USP39: variants seen among roughly 807,000 people sequenced by gnomAD.
The protein encoded by USP39 is ubiquitin specific peptidase 39, also known as ubiquitin carboxyl-terminal hydrolase 39.
A neutral mutation model predicts 66.4 loss-of-function variants in USP39; 38 were observed. That is an observed-to-expected ratio of 0.57 (90% CI 0.44 to 0.75). The LOEUF is 0.75. USP39 is among the 30% of genes least tolerant of loss of function. The probability of loss-of-function intolerance (pLI) is 0.00; values close to 1 mark genes in which losing one functional copy is unlikely to be tolerated. For synonymous variants in USP39, 303 were observed against 274.6 expected (o/e 1.10, Z -1.02); for missense variants, 608 against 714.4 (o/e 0.85, Z 1.70).
intron 1 of USP39, among the ~76,000 whole-genome samples, 173 bp downstream of exon 1, chr2:85,616,636 A>T (rs1280459106): frequency 1.3e-5 from 2 of 151,104 alleles, no homozygotes; most frequent in Non-Finnish European, 2.9e-5. Flanking sequence ...TGTTCTGATG[A>T]AGACAGTACC....
Position 85,636,203 on chromosome 2 carries a change from C to A in USP39, c.1027+73C>A, listed in dbSNP as rs867150389. The stretch of plus-strand genomic sequence containing the variant: ...AACTTTGCGGTCGGTCGCAATGGCT[C>A]ATGCCTATAATCCCAGCTCTTTGAG... On this transcript the variant is annotated intron_variant, in intron 7 of 12. Transcript: ENST00000323701. 71 of 1,407,682 alleles carry A rather than the reference C, an allele frequency of 5.0e-5. 2 individuals are homozygous for A. In the Middle Eastern group the frequency reaches 5.2e-3, roughly 104 times the overall value. The allele number at this position is 1,407,682 out of a possible 1,614,324, so 87.2% of individuals were successfully genotyped here.
At chr2:85,605,150 TGAG>T (rs1673171683) in intron 1 of USP39, among the ~76,000 whole-genome samples, 1 of 152,022 alleles carries the variant, frequency 6.6e-6, no homozygotes, top group African/African-American at 2.4e-5. Context: ...AAGCAAGAGA[TGAG>T]ATTTCCAGTG....
rs1364906490 is a variant in USP39, at chr2:85,636,831, CCT to C, written c.1028-533_1028-532del. 4.6e-5 allele frequency among the ~76,000 whole-genome samples: 7 copies of C among 152,310 alleles called. No homozygotes were observed. In the East Asian group the frequency reaches 9.6e-4, roughly 21 times the overall value. On this transcript the variant is annotated intron_variant, in intron 7 of 12. Coordinates refer to ENST00000323701, the MANE Select transcript of USP39 (RefSeq NM_006590.4). ...TGCTTTTCCCACTGGATGGCCCTGC[CCT>C]CTCTACCAGGTGTCTTCAGCCTGTG...
intron 5 of USP39, among the ~76,000 whole-genome samples, chr2:85,630,061 C>T (rs13403804): frequency 3.9e-5 from 6 of 152,094 alleles, no homozygotes; most frequent in African/African-American, 1.2e-4. Context: ...TTTGGTCACC[C>T]ATCACCCAAG....
intron 10 of USP39, among the ~76,000 whole-genome samples, chr2:85,642,421 A>G (rs1434906032): frequency 6.6e-6 from 1 of 152,164 alleles, no homozygotes; most frequent in African/African-American, 2.4e-5. Flanking sequence ...CCTGGTAGGT[A>G]GGGGCAGTCT....
intron 5 of USP39, among the ~76,000 whole-genome samples, chr2:85,629,089 A>G (rs1006235237): frequency 5.9e-5 from 9 of 151,318 alleles, no homozygotes; most frequent in East Asian, 1.9e-4. Flanking sequence ...TTGAGATGGA[A>G]TTTTGCTCTT....
Position 85,648,740 on chromosome 2 carries a change from TTG to T in USP39, c.1651-17_1651-16del. 1 of 1,613,960 alleles carries T rather than the reference TTG, an allele frequency of 6.2e-7. No homozygotes were observed. The highest frequency in any genetic ancestry group is 8.5e-7 in the Non-Finnish European group (1 of 1,179,868). ...GACTGAATGCCTCCTAGACTTCAGT[TTG>T]TGTTTTCATTTCTTACAGATTTGGA... On this transcript the variant is annotated intron_variant, in intron 12 of 12. Coordinates refer to ENST00000323701, the MANE Select transcript of USP39 (RefSeq NM_006590.4).
At chr2:85,618,528 C>T (rs1275254843) in intron 1 of USP39, among the ~76,000 whole-genome samples, 1 of 149,346 alleles carries the variant, frequency 6.7e-6, no homozygotes, top group African/African-American at 2.5e-5. Context: ...CGCCATTGCA[C>T]TCCAGCCTGG....
At chr2:85,623,320 A>G (rs1674602508) in intron 3 of USP39, among the ~76,000 whole-genome samples, 1 of 150,614 alleles carries the variant, frequency 6.6e-6, no homozygotes, top group South Asian at 2.1e-4. Context: ...ATAGGAAACT[A>G]TGTATGAATA....
At chr2:85,625,362 T>TG (rs1416956207) in intron 4 of USP39, among the ~76,000 whole-genome samples, 177 bp from the exon 5 acceptor site, 1 of 152,204 alleles carries the variant, frequency 6.6e-6, no homozygotes, top group Non-Finnish European at 1.5e-5. Context: ...AGATTAGCCA[T>TG]GGGAGAGGAT....
upstream of USP39, among the ~76,000 whole-genome samples, chr2:85,615,589 G>T (rs1421641406): frequency 6.6e-6 from 1 of 152,182 alleles, no homozygotes; most frequent in Admixed American, 6.5e-5. Context: ...TGTGGGAAAC[G>T]ACCTCACGGT....
intron 6 of USP39, among the ~76,000 whole-genome samples, chr2:85,634,848 A>C (rs1432449936): frequency 6.6e-6 from 1 of 152,154 alleles, no homozygotes; most frequent in African/African-American, 2.4e-5. Flanking sequence ...TTATGGCCTG[A>C]AGGTGGATAG....
chr2:85,613,677 T>C (rs1295349959), upstream of USP39, among the ~76,000 whole-genome samples: 3 of 151,186 alleles, frequency 2.0e-5, no homozygotes, highest in Admixed American at 1.3e-4. Context: ...CTCTAGGAAG[T>C]GCAAACTAAT....
In USP39 at chr2:85,636,655, A is replaced by G. The variant is rs192821237; in HGVS notation, c.1027+525A>G. Among the ~76,000 whole-genome samples, 3 of 152,156 alleles carry G rather than the reference A, an allele frequency of 2.0e-5. No homozygotes were observed. In the East Asian group the frequency reaches 5.8e-4, roughly 29 times the overall value. Reference sequence around the variant, plus strand: ...AGGGTAGCTGGGATTACAGGCACCCACTACCACGCCCAGCTGATTTTTGTA... The same window carrying G: ...AGGGTAGCTGGGATTACAGGCACCCGCTACCACGCCCAGCTGATTTTTGTA... On this transcript the variant is annotated intron_variant, in intron 7 of 12. Transcript: ENST00000323701.
At chr2:85,620,691 C>T (rs1674395470) in intron 2 of USP39, among the ~76,000 whole-genome samples, 1 of 152,080 alleles carries the variant, frequency 6.6e-6, no homozygotes, top group Non-Finnish European at 1.5e-5. Context: ...TTGAAGGGGT[C>T]CTAGAACCAG....
Position 85,621,553 on chromosome 2 carries a change from G to A in USP39, c.407G>A (p.Cys136Tyr). The change falls in exon 3 of 13, where the codon TGT becomes TAT. Residue 136 changes from cysteine (C) to tyrosine (Y), a missense_variant. Physicochemically the swap from Cys to Tyr is radical, Grantham distance 194. Coordinates refer to ENST00000323701, the MANE Select transcript of USP39 (RefSeq NM_006590.4). ...ISLSHINAYA[C>Y]LVCGKYFQGR... ...CTCTCACACATCAATGCTTATGCCT[G>A]TCTGGTGTGTGGCAAGTACTTTCAA... 1 of 1,613,526 alleles carries A rather than the reference G, an allele frequency of 6.2e-7. No individual in the cohort carries two copies. The highest frequency in any genetic ancestry group is 8.5e-7 in the Non-Finnish European group (1 of 1,179,912).
In USP39 at chr2:85,625,709, A is replaced by G. The variant is rs1382348406; in HGVS notation, c.723+18A>G. On this transcript the variant is annotated intron_variant, in intron 5 of 12. Transcript: ENST00000323701. Reference sequence around the variant, plus strand: ...TCCTTCAGGTAAGATCAAGACGGGAACATTGAGGAAGAGAAGGACACCCAG... The same window carrying G: ...TCCTTCAGGTAAGATCAAGACGGGAGCATTGAGGAAGAGAAGGACACCCAG... 3.1e-6 allele frequency: 5 copies of G among 1,606,512 alleles called. No homozygotes were observed. The East Asian group carries it at 1.1e-4, about 36-fold the overall frequency.
At chr2:85,615,981 A>G (rs2104199484), upstream of USP39, 1 of 878,204 alleles carries the variant, frequency 1.1e-6, no homozygotes, top group African/African-American at 1.8e-5. Flanking sequence ...CGTCTCAGTA[A>G]ACTGTAAACG....
At chr2:85,609,574 TG>T (rs1266214288), upstream of USP39, 1 of 1,613,946 alleles carries the variant, frequency 6.2e-7, no homozygotes, top group African/African-American at 1.3e-5. Flanking sequence ...GTTGCGTGGG[TG>T]GGCAGAGACA....
Sources: gnomAD v4.1 joint callset for allele counts (sites outside exome capture counted in the v4.1 genomes callset) on GRCh38, gnomAD v4.1.1 for gene constraint, MANE v1.5 for transcripts, NCBI Gene and HGNC (gene_info 2026-07-23, HGNC 2026-07-21) for gene names.